The following EPX variants were observed in gnomAD, a reference collection of about 807,000 sequenced individuals.
EPX encodes the protein eosinophil peroxidase.
A neutral mutation model predicts 73.0 loss-of-function variants in EPX; 60 were observed. The observed-to-expected ratio is 0.82, with a 90% CI of 0.67 to 1.02. The LOEUF is 1.02. EPX is among the 50% of genes least tolerant of loss of function. The pLI is 0.00. For missense variants in EPX, 950 were observed against 973.9 expected, an observed-to-expected ratio of 0.98 and a Z score of 0.33; for synonymous variants, 347 against 389.2, an observed-to-expected ratio of 0.89 and a Z score of 1.28.
At chr17:58,201,264 C>T (rs1968337796) in intron 10 of EPX, among the ~76,000 whole-genome samples, 2 of 152,226 alleles carry the variant, frequency 1.3e-5, no homozygotes, top group Admixed American at 6.5e-5. Flanking sequence ...TGGTAGAGCA[C>T]AGCAGGCACT....
In EPX at chr17:58,192,787, T is replaced by C; in HGVS notation, c.-60T>C. ...CTCAAAGTGAGAGGGGAGCAGAGGA[T>C]CCTCCCGTGCAGGCTGTGGATGTCA... On this transcript the variant is annotated 5_prime_UTR_variant, in exon 1 of 13. Coordinates refer to ENST00000225371, the MANE Select transcript of EPX (RefSeq NM_000502.6). 1 of 1,443,458 alleles carries C rather than the reference T, an allele frequency of 6.9e-7. No individual in the cohort carries two copies. Among genetic ancestry groups the C allele is most frequent in the Non-Finnish European group, 9.6e-7 (1 of 1,036,890 alleles). 89.4% of individuals were successfully genotyped at this position (1,443,458 alleles called of 1,614,324 possible). A position where few individuals can be genotyped will look rare whatever the true frequency, so the allele number is the denominator to read the frequency against.
In EPX at chr17:58,193,024, ATC is replaced by A. The variant is rs763945199; in HGVS notation, c.77-10_77-9del. The A allele has an allele frequency of 6.2e-6, 10 of 1,605,102 alleles. No individual in the cohort carries two copies. In the Admixed American group the frequency reaches 1.7e-4, roughly 27 times the overall value. On this transcript the variant is annotated splice_polypyrimidine_tract_variant and intron_variant, in intron 1 of 12. Transcript: ENST00000225371. ...GTGGCTTGCTGAACCCTGAGTCCCCATCTCTTTGAACAGCCTCCCCTGGGGCA... is the reference window on the plus strand; with the variant it reads ...GTGGCTTGCTGAACCCTGAGTCCCCATCTTTGAACAGCCTCCCCTGGGGCA...
chr17:58,202,936 C>A, intron 10 of EPX, 145 bp from the exon 11 acceptor site: 3 of 703,162 alleles, frequency 4.3e-6, no homozygotes, highest in Non-Finnish European at 7.7e-6. Context: ...TCTTTGGAAG[C>A]TCTAGGGACT....
At chr17:58,193,285 C>G in intron 2 of EPX, 86 bp from the exon 3 acceptor site, 1 of 1,413,274 alleles carries the variant, frequency 7.1e-7, no homozygotes, top group Non-Finnish European at 1.0e-6. Context: ...GTCCGCTTGC[C>G]CTGTCCTGAC....
rs1299527417 is a variant in EPX, at chr17:58,203,320, T to G, written c.1946+2T>G. ...CAGAAGAGCCCGAGACGGAGACAGGTAAGTGACCCTATCATAAAAGACATC... is the reference window on the plus strand; with the variant it reads ...CAGAAGAGCCCGAGACGGAGACAGGGAAGTGACCCTATCATAAAAGACATC... On this transcript the variant is annotated splice_donor_variant, in intron 11 of 12. Transcript: ENST00000225371. LOFTEE classifies it high-confidence loss of function. The G allele has an allele frequency of 6.3e-7, 1 of 1,594,884 alleles. No individual in the cohort carries two copies. Among genetic ancestry groups the G allele is most frequent in the African/African-American group, 1.3e-5 (1 of 74,536 alleles).
rs367654802 is a variant in EPX, at chr17:58,195,002, T to A, written c.633T>A (p.Asn211Lys). ...AVSNQIVRFP[N>K]ERLTSDRGRA... ...CCAACCAGATTGTGCGCTTCCCCAA[T>A]GAGAGACTGACCTCCGACCGTGGCC... The change falls in exon 6 of 13, where the codon AAT (asparagine) becomes AAA (lysine). Residue 211 changes from asparagine (N) to lysine (K), a missense_variant. Transcript: ENST00000225371. 6.2e-6 allele frequency: 10 copies of A among 1,613,952 alleles called. No homozygotes were observed. In the African/African-American group the frequency reaches 8.0e-5, roughly 13 times the overall value.
At chr17:58,199,412 C>A in intron 8 of EPX, 127 bp from the exon 9 acceptor site, 1 of 1,218,986 alleles carries the variant, frequency 8.2e-7, no homozygotes, top group Non-Finnish European at 1.2e-6. Flanking sequence ...CTCCACCCAC[C>A]AATAGTAAAT....
Position 58,193,710 on chromosome 17 carries a change from A to G in EPX, c.347-4A>G. ...CTCAGGTCTGCCCATTTGCCTTCCC[A>G]CAGATGTGCTAACAGAACCACAGCT... On this transcript the variant is annotated splice_polypyrimidine_tract_variant and splice_region_variant and intron_variant, in intron 3 of 12. Transcript: ENST00000225371. 6.2e-7 allele frequency: 1 copy of G among 1,608,306 alleles called. No homozygotes were observed. Among genetic ancestry groups the G allele is most frequent in the Non-Finnish European group, 8.5e-7 (1 of 1,176,344 alleles).
At chr17:58,196,039 T>A (rs1968252075) in intron 6 of EPX, among the ~76,000 whole-genome samples, 1 of 68,370 alleles carries the variant, frequency 1.5e-5, no homozygotes, top group Admixed American at 1.1e-4. Context: ...CTTTCTTTCT[T>A]TCTTTTTCTT....
rs375156177 is a variant in EPX at position 58,193,132 on chromosome 17, GTGGACT to G, written c.170+5_170+10del. 354 of 1,600,756 alleles carry G rather than the reference GTGGACT, an allele frequency of 2.2e-4. 1 individual carries two copies. The African/African-American group carries it at 4.5e-3, about 20-fold the overall frequency. On this transcript the variant is annotated splice_donor_variant and splice_donor_5th_base_variant and intron_variant, in intron 2 of 12. Transcript: ENST00000225371. LOFTEE classifies it high-confidence loss of function. ...CTGCCTACAATTGGACCCAGAAGAG[GTGGACT>G]TGGGTCTGGGGGCTGCATGGGCCTG...
At position 58,204,203 on chromosome 17, in the gene EPX, T is replaced by A; in HGVS notation, c.1947-19T>A. On this transcript the variant is annotated intron_variant, in intron 11 of 12. Transcript: ENST00000225371. ...AATTCCTCCCCAGCCTTCACCCACA[T>A]CTCTCGACTGCCTGGTAGGTTCTGG... 6.2e-7 allele frequency: 1 copy of A among 1,600,016 alleles called. No individual in the cohort carries two copies. The highest frequency in any genetic ancestry group is 8.6e-7 in the Non-Finnish European group (1 of 1,167,244).
At position 58,197,234 on chromosome 17, in the gene EPX, C is replaced by T. The variant is rs1021218566; in HGVS notation, c.1097C>T (p.Ala366Val). The change falls in exon 7 of 13, where the codon GCG becomes GTG. Residue 366 changes from alanine to valine, a missense_variant. Physicochemically the swap from Ala to Val is moderately conservative, Grantham distance 64. Coordinates refer to ENST00000225371, the MANE Select transcript of EPX (RefSeq NM_000502.6). ...DDPCLLTNRS[A>V]RIPCFLAGDT... ...CCCTGTCTCCTCACCAACCGCTCGG[C>T]GCGCATCCCCTGCTTCCTGGCAGGT... is the stretch of plus-strand genomic sequence containing the variant. 9 of 1,612,512 alleles carry T rather than the reference C, an allele frequency of 5.6e-6. No homozygotes were observed. The highest frequency in any genetic ancestry group is 1.7e-5 in the Admixed American group (1 of 60,022).
chr17:58,201,157 T>C (rs933341354), intron 10 of EPX, among the ~76,000 whole-genome samples: 2 of 152,192 alleles, frequency 1.3e-5, no homozygotes, highest in African/African-American at 2.4e-5. Context: ...CCTTCCCACC[T>C]CCTACCTCCC....
chr17:58,197,208 C>A lies in EPX; in HGVS notation c.1071C>A (p.Asp357Glu). The A allele has an allele frequency of 6.2e-7, 1 of 1,613,592 alleles. No individual in the cohort carries two copies. Among genetic ancestry groups the A allele is most frequent in the Non-Finnish European group, 8.5e-7 (1 of 1,180,026 alleles). The change falls in exon 7 of 13, where the codon GAC becomes GAA. Residue 357 changes from aspartate to glutamate, a missense_variant. Asp to Glu is a conservative substitution (Grantham distance 45). Coordinates refer to ENST00000225371, the MANE Select transcript of EPX (RefSeq NM_000502.6). ...TGCCCTTCGACAACCTGCACGATGACCCCTGTCTCCTCACCAACCGCTCGG... is the reference window on the plus strand; with the variant it reads ...TGCCCTTCGACAACCTGCACGATGAACCCTGTCTCCTCACCAACCGCTCGG... ...ALLPFDNLHDDPCLLTNRSAR... is the reference protein window; with the variant it reads ...ALLPFDNLHDEPCLLTNRSAR...
rs1181435348 is a variant in EPX, at chr17:58,193,106, GC to G, written c.146del (p.Ala49ValfsTer32). ...AGCAGAGGCCAAGTTGCTGGTGGAT[GC>G]TGCCTACAATTGGACCCAGAAGAGG... ...CIAEAKLLVD[A>X]AYNWTQKSIK... is the part of the protein sequence containing the mutation. On this transcript the variant is annotated frameshift_variant, in exon 2 of 13. Coordinates refer to ENST00000225371, the MANE Select transcript of EPX (RefSeq NM_000502.6). LOFTEE classifies it high-confidence loss of function. 1 of 1,612,442 alleles carries G rather than the reference GC, an allele frequency of 6.2e-7. No individual in the cohort carries two copies. Among genetic ancestry groups the G allele is most frequent in the Non-Finnish European group, 8.5e-7 (1 of 1,178,376 alleles).
In EPX at chr17:58,204,381, C is replaced by T; in HGVS notation, c.2106C>T (p.Ser702=). ...ACCCTCGGGGCTTTGTGAACTGCAG[C>T]CGTATCCCCAGGTTGAACCTATCAG... The part of the protein sequence containing the change: ...NIYPRGFVNC[S]RIPRLNLSAW... The change falls in exon 12 of 13, where the codon AGC becomes AGT. Residue 702 remains serine, a synonymous_variant. Transcript: ENST00000225371. 6.2e-7 allele frequency: 1 copy of T among 1,614,146 alleles called. No individual in the cohort carries two copies. The highest frequency in any genetic ancestry group is 8.5e-7 in the Non-Finnish European group (1 of 1,179,996).
rs201835272 is a variant in EPX, at chr17:58,199,669, G to A, written c.1412G>A (p.Arg471His). 9.1e-5 allele frequency: 147 copies of A among 1,614,238 alleles called. 1 individual carries two copies. The Middle Eastern group carries it at 1.5e-3, about 16-fold the overall frequency. The change falls in exon 9 of 13, where the codon CGC becomes CAC. Residue 471 changes from arginine to histidine, a missense_variant. Coordinates refer to ENST00000225371, the MANE Select transcript of EPX (RefSeq NM_000502.6). ...RVANVFTLAF[R>H]FGHTMLQPFM... ...GCCAATGTCTTCACCCTGGCCTTCC[G>A]CTTTGGCCACACAATGCTCCAGCCC...
Position 58,199,665 on chromosome 17 carries a change from T to C in EPX, c.1408T>C (p.Phe470Leu), listed in dbSNP as rs757681671. 2.5e-6 allele frequency: 4 copies of C among 1,614,258 alleles called. No individual in the cohort carries two copies. In the East Asian group the frequency reaches 8.9e-5, roughly 36 times the overall value. Reference sequence around the variant, plus strand: ...GGTGGCCAATGTCTTCACCCTGGCCTTCCGCTTTGGCCACACAATGCTCCA... The same window carrying C: ...GGTGGCCAATGTCTTCACCCTGGCCCTCCGCTTTGGCCACACAATGCTCCA... ...PRVANVFTLA[F>L]RFGHTMLQPF... is the part of the protein sequence containing the mutation. Residue 470 changes from phenylalanine (F) to leucine (L), a missense_variant, in exon 9 of 13, where the codon TTC becomes CTC. Phe to Leu is a conservative substitution (Grantham distance 22). Coordinates refer to ENST00000225371, the MANE Select transcript of EPX (RefSeq NM_000502.6).
chr17:58,199,483 G>A, intron 8 of EPX, 56 bp from the exon 9 acceptor site: 1 of 1,595,918 alleles, frequency 6.3e-7, no homozygotes, highest in Non-Finnish European at 8.6e-7. Flanking sequence ...CCTTTGAAAA[G>A]GCAAGGGTAT....
Sources: gnomAD v4.1 joint callset for allele counts (sites outside exome capture counted in the v4.1 genomes callset) on GRCh38, gnomAD v4.1.1 for gene constraint, MANE v1.5 for transcripts, NCBI Gene and HGNC (gene_info 2026-07-23, HGNC 2026-07-21) for gene names.